Variants in GLDC observed in about 807,000 individuals in gnomAD.
GLDC encodes glycine dehydrogenase (decarboxylating), mitochondrial.
A neutral mutation model predicts 121.3 loss-of-function variants in GLDC; 104 were observed. That is an observed-to-expected ratio of 0.86 (90% CI 0.73 to 1.01). GLDC has a LOEUF of 1.01. GLDC is among the 50% of genes least tolerant of loss of function. The probability of loss-of-function intolerance (pLI) is 0.00; values close to 1 mark genes in which losing one functional copy is unlikely to be tolerated. For missense variants in GLDC, 1,429 were observed against 1,306.6 expected (o/e 1.09, Z -1.44); for synonymous variants, 546 against 480.6 (o/e 1.14, Z -1.78).
rs371611963 is a variant in GLDC, at chr9:6,569,751, G to A, written c.1851-4322C>T. 1.1e-3 allele frequency among the ~76,000 whole-genome samples: 171 copies of A among 152,034 alleles called. 2 individuals carry two copies. Among genetic ancestry groups the A allele is most frequent in the African/African-American group, 3.5e-3 (146 of 41,458 alleles). ...AGCACGTTGGGAGGCCGAGGCGAGC[G>A]GATTACCTGCAGTTAGAAGATCGAG... On this transcript the variant is annotated intron_variant, in intron 15 of 24. Coordinates refer to ENST00000321612, the MANE Select transcript of GLDC (RefSeq NM_000170.3).
chr9:6,597,777 A>G (rs1044771337), intron 8 of GLDC, among the ~76,000 whole-genome samples: 3 of 152,110 alleles, frequency 2.0e-5, no homozygotes. Context: ...TCTACTAAAA[A>G]TACAATAAAT....
chr9:6,537,683 A>G (rs1209960638), intron 22 of GLDC, among the ~76,000 whole-genome samples: 1 of 152,140 alleles, frequency 6.6e-6, no homozygotes, highest in African/African-American at 2.4e-5. Flanking sequence ...TAGAAAGCTG[A>G]GGTGGGAGGA....
At chr9:6,635,431 T>C (rs139884606) in intron 2 of GLDC, among the ~76,000 whole-genome samples, 2 of 152,196 alleles carry the variant, frequency 1.3e-5, no homozygotes, top group African/African-American at 2.4e-5. Flanking sequence ...TGTACCATAA[T>C]AGCCCTCAAG....
chr9:6,643,994 A>G (rs1042929852), intron 2 of GLDC, among the ~76,000 whole-genome samples: 12 of 132,064 alleles, frequency 9.1e-5, no homozygotes, highest in African/African-American at 3.2e-4. Flanking sequence ...AGATCAAGCC[A>G]CAGCACTCCA....
intron 15 of GLDC, among the ~76,000 whole-genome samples, chr9:6,579,516 T>C (rs1818134818): frequency 7.3e-6 from 1 of 136,070 alleles, no homozygotes; most frequent in African/African-American, 2.8e-5. Context: ...CCTGATTATT[T>C]ATTTGATAAT....
Position 6,605,267 on chromosome 9 carries a change from A to G in GLDC, c.725T>C (p.Val242Ala). Reference sequence around the variant, plus strand: ...ACAGGGTAACTTCAGCTCAGTGAGGACTCCAGTATATCTGGAAAGACAGAC... The same window carrying G: ...ACAGGGTAACTTCAGCTCAGTGAGGGCTCCAGTATATCTGGAAAGACAGAC... ...VVQTRAKYTGVLTELKLPCEM... is the reference protein window; with the variant it reads ...VVQTRAKYTGALTELKLPCEM... Residue 242 changes from valine to alanine, a missense_variant, in exon 6 of 25, where the codon GTC (valine) becomes GCC (alanine). By Grantham distance (64) the Val-to-Ala change is moderately conservative (BLOSUM62 0). Coordinates refer to ENST00000321612, the MANE Select transcript of GLDC (RefSeq NM_000170.3). 1 of 1,613,832 alleles carries G rather than the reference A, an allele frequency of 6.2e-7. No individual in the cohort carries two copies. The highest frequency in any genetic ancestry group is 8.5e-7 in the Non-Finnish European group (1 of 1,179,786).
chr9:6,565,501 G>C, intron 15 of GLDC, 72 bp from the exon 16 acceptor site: 2 of 1,219,198 alleles, frequency 1.6e-6, no homozygotes, highest in Non-Finnish European at 2.4e-6. Context: ...ATATTTATTG[G>C]GCCCTGGCCA....
At chr9:6,535,416 C>G (rs1817105244) in intron 23 of GLDC, among the ~76,000 whole-genome samples, 1 of 151,582 alleles carries the variant, frequency 6.6e-6, no homozygotes, top group South Asian at 2.1e-4. Flanking sequence ...CTGCAAGTCA[C>G]TGGTCCCTGC....
At chr9:6,539,994 T>A in intron 22 of GLDC, 57 bp downstream of exon 22, 1 of 1,083,942 alleles carries the variant, frequency 9.2e-7, no homozygotes, top group South Asian at 1.2e-5. Flanking sequence ...CATTTGTGCT[T>A]TAGGAAGTGG....
At chr9:6,593,210 A>T in intron 9 of GLDC, 2 of 514,430 alleles carry the variant, frequency 3.9e-6, no homozygotes, top group South Asian at 4.5e-5. Flanking sequence ...ATACAATTGC[A>T]TTACTGCGTG....
chr9:6,555,957 C>A (rs1387490192), intron 18 of GLDC, among the ~76,000 whole-genome samples, 196 bp downstream of exon 18: 1 of 152,176 alleles, frequency 6.6e-6, no homozygotes, highest in Non-Finnish European at 1.5e-5. Context: ...CCTTTGAGCC[C>A]CCATTTCACA....
chr9:6,553,391 G>A lies in GLDC; in HGVS notation c.2434C>T (p.Pro812Ser), dbSNP rs145576840. 3.1e-6 allele frequency: 5 copies of A among 1,613,932 alleles called. No homozygotes were observed. The highest frequency in any genetic ancestry group is 1.3e-5 in the African/African-American group (1 of 74,912). ...ACCTTGATATAAGCCCAGGAAATGG[G>A]CAAGATGGAACTGGAGCCCCATGGG... is the stretch of plus-strand genomic sequence containing the variant. ...AAPWGSSSIL[P>S]ISWAYIKMMG... The change falls in exon 20 of 25, where the codon CCC (proline) becomes TCC (serine). Residue 812 changes from proline to serine, a missense_variant. Physicochemically the swap from Pro to Ser is moderately conservative, Grantham distance 74. Coordinates refer to ENST00000321612, the MANE Select transcript of GLDC (RefSeq NM_000170.3).
intron 20 of GLDC, among the ~76,000 whole-genome samples, chr9:6,552,453 AAAC>A (rs1436712853): frequency 6.6e-6 from 1 of 152,216 alleles, no homozygotes; most frequent in East Asian, 1.9e-4. Flanking sequence ...GTTGTTTGCA[AAAC>A]AACTTGAGTA....
At chr9:6,642,451 A>G (rs559022782) in intron 2 of GLDC, among the ~76,000 whole-genome samples, 1 of 152,272 alleles carries the variant, frequency 6.6e-6, no homozygotes, top group Admixed American at 6.5e-5. Flanking sequence ...GAATGGCTTG[A>G]ACCGGGGAGG....
At chr9:6,595,832 A>G (rs1818483844) in intron 8 of GLDC, among the ~76,000 whole-genome samples, 2 of 152,198 alleles carry the variant, frequency 1.3e-5, no homozygotes, top group African/African-American at 4.8e-5. Flanking sequence ...CTGTCTCTGC[A>G]AAATACAGTT....
chr9:6,539,988 T>C (rs868865505), intron 22 of GLDC, 63 bp downstream of exon 22: 1 of 1,033,796 alleles, frequency 9.7e-7, no homozygotes. Context: ...ATTTTCCATT[T>C]GTGCTTTAGG....
intron 21 of GLDC, chr9:6,541,417 T>C (rs1817255365): frequency 6.6e-6 from 1 of 152,218 alleles, no homozygotes; most frequent in African/African-American, 2.4e-5. Context: ...AATCCACTTA[T>C]AGAGACTCAG....
At chr9:6,558,713 A>G in intron 16 of GLDC, 29 bp from the exon 17 acceptor site, 1 of 1,613,834 alleles carries the variant, frequency 6.2e-7, no homozygotes, top group East Asian at 2.2e-5. Flanking sequence ...GCAAAGAAAG[A>G]GCAAAATCAT....
intron 2 of GLDC, among the ~76,000 whole-genome samples, chr9:6,634,306 GGT>G (rs540341224): frequency 2.6e-3 from 402 of 152,056 alleles, no homozygotes; most frequent in Admixed American, 6.8e-3. Context: ...AAGGCAGGCG[GGT>G]TGCTTGAGCT....
Sources: allele counts gnomAD v4.1 joint callset (sites outside exome capture counted in the v4.1 genomes callset), GRCh38; gene constraint gnomAD v4.1.1; transcripts MANE v1.5; gene names NCBI Gene and HGNC (gene_info 2026-07-23, HGNC 2026-07-21).